Variants in SHC4 observed in about 807,000 individuals in gnomAD.
SHC4 encodes SHC-transforming protein 4.
SHC4 carries 41 observed loss-of-function variants against 69.4 expected under a neutral mutation model. The ratio of observed to expected loss-of-function variants is 0.59; its 90% confidence interval spans 0.46 to 0.77. SHC4 has a LOEUF of 0.77. SHC4 is among the 30% of genes least tolerant of loss of function. The pLI is 0.00. For synonymous variants in SHC4, 318 were observed against 299.3 expected (o/e 1.06, Z -0.64); for missense variants, 777 against 783.8 (o/e 0.99, Z 0.10).
chr15:48,957,773 A>G (rs1179556274), intron 1 of SHC4, among the ~76,000 whole-genome samples: 1 of 152,254 alleles, frequency 6.6e-6, no homozygotes, highest in East Asian at 1.9e-4. Flanking sequence ...GTCTTTGCAA[A>G]TGTCATCAAA....
intron 6 of SHC4, among the ~76,000 whole-genome samples, chr15:48,861,595 C>T (rs1899443191): frequency 6.6e-6 from 1 of 152,084 alleles, no homozygotes; most frequent in African/African-American, 2.4e-5. Flanking sequence ...AGAAGAAAGA[C>T]AAGTAACTAT....
At chr15:48,937,846 G>T (rs1901101856) in intron 1 of SHC4, among the ~76,000 whole-genome samples, 1 of 152,190 alleles carries the variant, frequency 6.6e-6, no homozygotes, top group Non-Finnish European at 1.5e-5. Context: ...AACAGGAATT[G>T]CTTTGTACAA....
At chr15:48,870,729 T>C (rs1899656896) in intron 5 of SHC4, among the ~76,000 whole-genome samples, 1 of 152,020 alleles carries the variant, frequency 6.6e-6, no homozygotes, top group Admixed American at 6.6e-5. Flanking sequence ...CTTTAGGTCA[T>C]TGGTAGCCAA....
chr15:48,901,045 G>A (rs1031454819), intron 2 of SHC4, among the ~76,000 whole-genome samples: 1 of 152,226 alleles, frequency 6.6e-6, no homozygotes, highest in Non-Finnish European at 1.5e-5. Flanking sequence ...GGATGTGCTT[G>A]TGTGCCAGTA....
At chr15:48,959,245 T>C (rs544447801) in intron 1 of SHC4, among the ~76,000 whole-genome samples, 1 of 152,318 alleles carries the variant, frequency 6.6e-6, no homozygotes, top group South Asian at 2.1e-4. Context: ...CCTTTTTCAC[T>C]TACCCCACTT....
chr15:48,916,020 T>C (rs1467353038), intron 2 of SHC4, among the ~76,000 whole-genome samples: 1 of 152,140 alleles, frequency 6.6e-6, no homozygotes, highest in African/African-American at 2.4e-5. Flanking sequence ...GTTCAACTAC[T>C]CCAAGGCTTA....
At chr15:48,837,747 A>T (rs78827527) in intron 10 of SHC4, among the ~76,000 whole-genome samples, 6,276 of 152,244 alleles carry the variant, frequency 0.041, 273 homozygotes, top group East Asian at 0.22. Context: ...ACTTAAAGAC[A>T]TATTGTTCAC....
chr15:48,876,768 C>G, intron 4 of SHC4: 1 of 455,412 alleles, frequency 2.2e-6, no homozygotes, highest in Non-Finnish European at 4.0e-6. Context: ...TTGTGCCCAA[C>G]CAGATTAAGG....
chr15:48,950,689 G>A (rs1006246594), intron 1 of SHC4, among the ~76,000 whole-genome samples: 9 of 152,160 alleles, frequency 5.9e-5, no homozygotes, highest in African/African-American at 1.9e-4. Context: ...AGGAGGCTGC[G>A]TGCAGCAAGA....
chr15:48,879,117 C>T (rs1436941898), intron 4 of SHC4: 2 of 186,990 alleles, frequency 1.1e-5, no homozygotes, highest in Admixed American at 1.1e-4. Flanking sequence ...TACAAAAGCC[C>T]ACTGATACTA....
intron 4 of SHC4, chr15:48,879,846 A>G (rs1342392583): frequency 1.2e-5 from 2 of 167,042 alleles, no homozygotes; most frequent in Non-Finnish European, 2.9e-5. Flanking sequence ...CTTTCTCTGT[A>G]TACTACTTTC....
At chr15:48,848,679 T>C (rs2063366787) in intron 9 of SHC4, among the ~76,000 whole-genome samples, 5 of 152,194 alleles carry the variant, frequency 3.3e-5, no homozygotes, top group Admixed American at 3.3e-4. Context: ...AATAAGGGAT[T>C]ATGTTGTTTG....
chr15:48,921,330 C>CA (rs1900748262), intron 2 of SHC4, among the ~76,000 whole-genome samples: 3 of 133,978 alleles, frequency 2.2e-5, no homozygotes, highest in African/African-American at 5.5e-5. Flanking sequence ...GGGAAGTTAT[C>CA]GTTTTTTTTT....
intron 3 of SHC4, among the ~76,000 whole-genome samples, chr15:48,888,902 A>AT (rs979668441): frequency 1.3e-5 from 2 of 151,366 alleles, no homozygotes; most frequent in African/African-American, 4.9e-5. Context: ...AAAAAAAAAA[A>AT]AGTTAAGATG....
chr15:48,883,030 T>C (rs1381826597), intron 4 of SHC4, among the ~76,000 whole-genome samples: 1 of 152,222 alleles, frequency 6.6e-6, no homozygotes, highest in Non-Finnish European at 1.5e-5. Context: ...TGTATACTAC[T>C]GCTTAAACAG....
chr15:48,879,758 T>C (rs1418536316), intron 4 of SHC4: 8 of 167,130 alleles, frequency 4.8e-5, no homozygotes, highest in Non-Finnish European at 2.9e-5. Flanking sequence ...AAGCTTGTTA[T>C]TTGTCATGCA....
At chr15:48,906,481 C>G (rs891030553) in intron 2 of SHC4, among the ~76,000 whole-genome samples, 3 of 151,906 alleles carry the variant, frequency 2.0e-5, no homozygotes, top group African/African-American at 7.3e-5. Context: ...CCTTCTCCTA[C>G]TCCCCCATCT....
rs747731737 is a variant in SHC4 at position 48,843,498 on chromosome 15, T to C, written c.1394A>G (p.Tyr465Cys). The change falls in exon 10 of 12, where the codon TAC becomes TGC. Residue 465 changes from tyrosine to cysteine, a missense_variant. Transcript: ENST00000332408. The stretch of plus-strand genomic sequence containing the variant: ...ACTTTGAAGAGCCTGTGTATTAATG[T>C]AGCAGGGGTCATCAAAGAGATCCAC... ...CRVDLFDDPC[Y>C]INTQALQSTP... 19 of 1,614,070 alleles carry C rather than the reference T, an allele frequency of 1.2e-5. No homozygotes were observed. Among genetic ancestry groups the C allele is most frequent in the Admixed American group, 5.0e-5 (3 of 59,998 alleles).
chr15:48,868,585 TTAAA>T (rs1942942377), intron 5 of SHC4, among the ~76,000 whole-genome samples: 1 of 152,244 alleles, frequency 6.6e-6, no homozygotes. Context: ...GTTTTAATAA[TTAAA>T]GATGCTTTTT....
Sources: allele counts gnomAD v4.1 joint callset (sites outside exome capture counted in the v4.1 genomes callset), GRCh38; gene constraint gnomAD v4.1.1; transcripts MANE v1.5; gene names NCBI Gene and HGNC (gene_info 2026-07-23, HGNC 2026-07-21).